The following PLEKHA7 variants were observed in gnomAD, a reference collection of about 807,000 sequenced individuals.
PLEKHA7 encodes the protein pleckstrin homology domain-containing family A member 7.
PLEKHA7 carries 104 observed loss-of-function variants against 170.0 expected under a neutral mutation model. The observed-to-expected ratio is 0.61, with a 90% CI of 0.52 to 0.72. The LOEUF (loss-of-function observed/expected upper bound fraction) is 0.72, where lower values mean the gene tolerates loss of function less well. PLEKHA7 is among the 30% of genes least tolerant of loss of function. The pLI, the probability that PLEKHA7 is intolerant of heterozygous loss-of-function variation, is 0.00. For missense variants in PLEKHA7, 1,615 were observed against 1,671.7 expected (o/e 0.97, Z 0.59); for synonymous variants, 648 against 660.8 (o/e 0.98, Z 0.30).
At chr11:16,991,359 TCATGGAGATGCATTCTAG>T (rs1864031365) in intron 3 of PLEKHA7, among the ~76,000 whole-genome samples, 1 of 152,168 alleles carries the variant, frequency 6.6e-6, no homozygotes, top group Non-Finnish European at 1.5e-5. Context: ...TTCCTTGTCT[TCATGGAGATGCATTCTAG>T]CAGGGAGAGG....
At chr11:17,005,891 T>C (rs1005636493) in intron 3 of PLEKHA7, among the ~76,000 whole-genome samples, 4 of 152,218 alleles carry the variant, frequency 2.6e-5, no homozygotes, top group African/African-American at 7.2e-5. Context: ...ATATAAAGCA[T>C]GGGATTCTGC....
At chr11:16,874,504 C>A (rs992623184) in intron 3 of PLEKHA7, among the ~76,000 whole-genome samples, 11 of 151,974 alleles carry the variant, frequency 7.2e-5, no homozygotes, top group African/African-American at 2.2e-4. Flanking sequence ...AGGCTCTGTC[C>A]CAAAAACAAA....
In PLEKHA7 at chr11:16,789,187, C is replaced by A; in HGVS notation, c.3266G>T (p.Arg1089Leu). 6.2e-7 allele frequency: 1 copy of A among 1,613,056 alleles called. No homozygotes were observed. The highest frequency in any genetic ancestry group is 8.5e-7 in the Non-Finnish European group (1 of 1,180,030). Residue 1089 changes from arginine (R) to leucine (L), a missense_variant, in exon 23 of 27, where the codon CGA becomes CTA. By Grantham distance (102) the Arg-to-Leu change is moderately radical. Transcript: ENST00000531066. The surrounding 1 kb of genome is among the most constrained non-coding windows in gnomAD (Gnocchi z 4.6). The stretch of plus-strand genomic sequence containing the variant: ...TTGGCCCAGTGTCCTCTTGCGCTCT[C>A]GGACCAGGGCCTTCTGGTGTCGCTT... ...RMKRHQKALVRERKRTLGQGE... is the reference protein window; with the variant it reads ...RMKRHQKALVLERKRTLGQGE...
chr11:16,886,474 G>C (rs1856112127), intron 3 of PLEKHA7, among the ~76,000 whole-genome samples: 1 of 152,198 alleles, frequency 6.6e-6, no homozygotes, highest in Non-Finnish European at 1.5e-5. Flanking sequence ...ACTTTGGGAG[G>C]CTGAGGCAAG....
chr11:16,947,644 G>A lies in PLEKHA7; in HGVS notation c.221+66345C>T, dbSNP rs147783916. 3.9e-3 allele frequency among the ~76,000 whole-genome samples: 590 copies of A among 151,190 alleles called. 4 individuals are homozygous for A. The highest frequency in any genetic ancestry group is 0.012 in the African/African-American group (511 of 41,340). On this transcript the variant is annotated intron_variant, in intron 3 of 26. Transcript: ENST00000531066. The stretch of plus-strand genomic sequence containing the variant: ...AGGAAAAGCAAATATGGCTGGGCGC[G>A]GTGGCTCACACTTGTAATCCCAGCA...
intron 3 of PLEKHA7, among the ~76,000 whole-genome samples, chr11:16,966,161 C>T (rs113402039): frequency 0.056 from 8,499 of 151,988 alleles, 767 homozygotes; most frequent in African/African-American, 0.19. Flanking sequence ...CCAGCCTGGG[C>T]GACAGAGCAA....
intron 3 of PLEKHA7, among the ~76,000 whole-genome samples, chr11:16,874,323 A>G (rs1045099127): frequency 6.6e-6 from 1 of 152,132 alleles, no homozygotes; most frequent in African/African-American, 2.4e-5. Flanking sequence ...CCTGGGCAAC[A>G]TGGTGAAACT....
chr11:16,986,233 AG>A (rs930290640), intron 3 of PLEKHA7, among the ~76,000 whole-genome samples: 10 of 152,192 alleles, frequency 6.6e-5, no homozygotes, highest in African/African-American at 2.4e-4. Flanking sequence ...GGGCCCCTGT[AG>A]GGAGAACAGG....
intron 3 of PLEKHA7, among the ~76,000 whole-genome samples, chr11:16,997,108 G>A (rs1009693187): frequency 6.6e-6 from 1 of 152,118 alleles, no homozygotes; most frequent in Non-Finnish European, 1.5e-5. Context: ...CCTGCCCCAA[G>A]GCTGTGCTTC....
intron 3 of PLEKHA7, among the ~76,000 whole-genome samples, chr11:16,896,639 T>C (rs575635327): frequency 1.3e-4 from 20 of 152,258 alleles, no homozygotes; most frequent in African/African-American, 4.6e-4. Flanking sequence ...CTTTCTACGA[T>C]CCTCCAGACA....
At chr11:16,964,474 C>T (rs1309213814) in intron 3 of PLEKHA7, among the ~76,000 whole-genome samples, 2 of 152,198 alleles carry the variant, frequency 1.3e-5, no homozygotes, top group Non-Finnish European at 1.5e-5. Context: ...CTCACCAATC[C>T]TTGAGCTGTA....
chr11:16,890,632 T>A (rs1447862232), intron 3 of PLEKHA7, among the ~76,000 whole-genome samples: 1 of 152,176 alleles, frequency 6.6e-6, no homozygotes, highest in East Asian at 1.9e-4. Flanking sequence ...TGAAAATGAC[T>A]CAGAGCTTAC....
intron 3 of PLEKHA7, among the ~76,000 whole-genome samples, chr11:16,992,651 G>C (rs922356260): frequency 1.3e-5 from 2 of 151,736 alleles, no homozygotes; most frequent in African/African-American, 4.9e-5. Context: ...AGCTACATGG[G>C]AGGCAGAGGC....
At chr11:16,813,527 C>T (rs1251020527) in intron 12 of PLEKHA7, among the ~76,000 whole-genome samples, 1 of 152,148 alleles carries the variant, frequency 6.6e-6, no homozygotes, top group East Asian at 1.9e-4. Flanking sequence ...AGCTAGAGCG[C>T]ATCAGTCATC....
At chr11:16,984,733 C>A (rs2136891114) in intron 3 of PLEKHA7, among the ~76,000 whole-genome samples, 1 of 152,322 alleles carries the variant, frequency 6.6e-6, no homozygotes, top group Non-Finnish European at 1.5e-5. Context: ...TACGTAAGCT[C>A]CATGAGGGCA....
At chr11:16,861,251 A>T (rs1257420281) in intron 4 of PLEKHA7, among the ~76,000 whole-genome samples, 4 of 152,064 alleles carry the variant, frequency 2.6e-5, no homozygotes, top group African/African-American at 9.7e-5. Flanking sequence ...AGGGCTAGGA[A>T]CAGAGGCTCC....
chr11:16,847,340 C>G (rs181243812), intron 8 of PLEKHA7, among the ~76,000 whole-genome samples: 3 of 152,050 alleles, frequency 2.0e-5, no homozygotes, highest in African/African-American at 7.2e-5. Flanking sequence ...GATCCGCCCC[C>G]CTCTGCCTCC....
At chr11:16,780,291 C>T (rs957570531) in intron 26 of PLEKHA7, among the ~76,000 whole-genome samples, 1 of 152,254 alleles carries the variant, frequency 6.6e-6, no homozygotes. Context: ...CACACTGCCT[C>T]TCATCACTAG....
At chr11:16,857,004 C>A (rs1853515962) in intron 4 of PLEKHA7, among the ~76,000 whole-genome samples, 1 of 152,190 alleles carries the variant, frequency 6.6e-6, no homozygotes, top group Non-Finnish European at 1.5e-5. Flanking sequence ...AGAACCCAGG[C>A]AGGATGCAGC....
Sources: gnomAD v4.1 joint callset for allele counts (sites outside exome capture counted in the v4.1 genomes callset) on GRCh38, gnomAD v4.1.1 for gene constraint, Gnocchi (gnomAD v3.1) non-coding constraint, MANE v1.5 for transcripts, NCBI Gene and HGNC (gene_info 2026-07-23, HGNC 2026-07-21) for gene names.